The following APBB2 variants were observed in gnomAD, a reference collection of about 807,000 sequenced individuals.
APBB2 encodes the protein amyloid beta precursor protein binding family B member 2.
In APBB2, 38 loss-of-function variants were observed where a neutral mutation model predicts 82.5. The observed-to-expected ratio is 0.46, with a 90% CI of 0.36 to 0.60. APBB2 has a LOEUF of 0.60. APBB2 is among the 20% of genes least tolerant of loss of function. The pLI, the probability that APBB2 is intolerant of heterozygous loss-of-function variation, is 0.00. For synonymous variants in APBB2, 341 were observed against 368.2 expected (o/e 0.93, Z 0.85); for missense variants, 772 against 972.3 (o/e 0.79, Z 2.74).
At chr4:41,137,113 A>G (rs1757784883) in intron 2 of APBB2, among the ~76,000 whole-genome samples, 1 of 152,238 alleles carries the variant, frequency 6.6e-6, no homozygotes. Context: ...TCCCATTTTC[A>G]TAAAACATAT....
chr4:40,966,088 A>G (rs994565279), intron 6 of APBB2, among the ~76,000 whole-genome samples: 1 of 152,356 alleles, frequency 6.6e-6, no homozygotes, highest in Middle Eastern at 3.4e-3. Context: ...TAATTTACCA[A>G]TATAGATGCA....
chr4:40,923,743 T>C (rs1781917810), intron 10 of APBB2, among the ~76,000 whole-genome samples: 1 of 152,232 alleles, frequency 6.6e-6, no homozygotes, highest in Non-Finnish European at 1.5e-5. Flanking sequence ...AGGGCGCAGC[T>C]GCCAAGAGTT....
chr4:41,132,041 AAAATAAAT>A (rs139179556), intron 2 of APBB2, among the ~76,000 whole-genome samples: 26 of 147,828 alleles, frequency 1.8e-4, no homozygotes, highest in Non-Finnish European at 3.0e-4. Context: ...CTCTGTCTCA[AAAATAAAT>A]AAATAAATAA....
chr4:40,900,067 A>G (rs1774834893), intron 10 of APBB2, among the ~76,000 whole-genome samples: 1 of 152,226 alleles, frequency 6.6e-6, no homozygotes, highest in Non-Finnish European at 1.5e-5. Context: ...AACATATAAC[A>G]ACGTTAAGTT....
At chr4:40,988,854 T>C (rs1179803617) in intron 6 of APBB2, among the ~76,000 whole-genome samples, 1 of 150,408 alleles carries the variant, frequency 6.6e-6, no homozygotes, top group Admixed American at 6.6e-5. Flanking sequence ...CAGCCTCCGC[T>C]TCCCGGGTTC....
chr4:40,959,280 A>C (rs921385923), intron 6 of APBB2, among the ~76,000 whole-genome samples: 13 of 152,224 alleles, frequency 8.5e-5, no homozygotes, highest in African/African-American at 3.1e-4. Flanking sequence ...CAGGGGCATG[A>C]ATCTTTCTTT....
chr4:40,881,344 C>A, intron 12 of APBB2: 1 of 985,132 alleles, frequency 1.0e-6, no homozygotes. Flanking sequence ...TACTGACTGG[C>A]TCAGAGAATC....
chr4:41,071,044 T>G (rs17608601), intron 3 of APBB2, among the ~76,000 whole-genome samples: 11,465 of 152,302 alleles, frequency 0.075, 605 homozygotes, highest in Non-Finnish European at 0.11. Context: ...CCTCCTCTCC[T>G]ACAAGTTCTT....
chr4:41,049,955 C>G (rs917576654), intron 4 of APBB2, among the ~76,000 whole-genome samples: 32 of 151,974 alleles, frequency 2.1e-4, no homozygotes, highest in Non-Finnish European at 3.5e-4. Context: ...TCCCTAATCT[C>G]AAGTACCCAG....
intron 6 of APBB2, among the ~76,000 whole-genome samples, chr4:40,996,129 T>C (rs1465804635): frequency 1.3e-5 from 2 of 152,212 alleles, no homozygotes; most frequent in Admixed American, 1.3e-4. Flanking sequence ...AAGTGGCCCC[T>C]TCACTTTACT....
intron 1 of APBB2, among the ~76,000 whole-genome samples, chr4:41,213,743 G>A (rs536150086): frequency 6.6e-6 from 1 of 152,294 alleles, no homozygotes; most frequent in Admixed American, 6.5e-5. Flanking sequence ...CAGTTTCCTG[G>A]AGTCGGTCCC....
intron 10 of APBB2, among the ~76,000 whole-genome samples, chr4:40,923,652 CCT>C (rs1318891792): frequency 2.0e-5 from 3 of 152,246 alleles, no homozygotes; most frequent in African/African-American, 7.2e-5. Context: ...CATTTCCTCA[CCT>C]GTTTCCTACC....
At chr4:41,029,588 T>A (rs1352888496) in intron 5 of APBB2, among the ~76,000 whole-genome samples, 1 of 152,216 alleles carries the variant, frequency 6.6e-6, no homozygotes, top group African/African-American at 2.4e-5. Flanking sequence ...GACAGATGTA[T>A]CACATACTTT....
In APBB2 at chr4:41,214,410, G is replaced by A. The variant is rs1285717118; in HGVS notation, c.-422C>T. The A allele has an allele frequency of 6.6e-6, 1 of 152,452 alleles. No individual in the cohort carries two copies. The highest frequency in any genetic ancestry group is 1.5e-5 in the Non-Finnish European group (1 of 68,250). The allele number at this position is 152,452 out of a possible 1,614,324, so 9.4% of individuals were successfully genotyped here. ...AGGAAGAAAGCTGGGCTCACCAGTG[G>A]TGCGCGCGGCGCTCGCCTCGGCTCC... On this transcript the variant is annotated 5_prime_UTR_variant, in exon 1 of 18. Coordinates refer to ENST00000508593, the MANE Select transcript of APBB2 (RefSeq NM_004307.2).
chr4:40,991,974 C>T (rs1802222204), intron 6 of APBB2, among the ~76,000 whole-genome samples: 1 of 152,008 alleles, frequency 6.6e-6, no homozygotes, highest in South Asian at 2.1e-4. Flanking sequence ...CCTCCTCCTC[C>T]CCATCTCTCT....
At chr4:41,179,409 T>TA (rs938768369) in intron 1 of APBB2, among the ~76,000 whole-genome samples, 1 of 152,132 alleles carries the variant, frequency 6.6e-6, no homozygotes, top group Admixed American at 6.5e-5. Context: ...TACCGTCATG[T>TA]AAAAAAATAG....
At chr4:40,880,053 G>C (rs950872919) in intron 12 of APBB2, 5 of 985,248 alleles carry the variant, frequency 5.1e-6, no homozygotes, top group Non-Finnish European at 4.8e-6. Context: ...CACTGGGAGC[G>C]ATGGCACTTA....
At chr4:41,052,208 A>AATACATACATACATAC (rs33920742) in intron 4 of APBB2, among the ~76,000 whole-genome samples, 11,215 of 149,752 alleles carry the variant, frequency 0.075, 569 homozygotes, top group East Asian at 0.19. Flanking sequence ...TCTGTACAAA[A>AATACATACATACATAC]ATACATACAT....
At chr4:41,040,708 A>G (rs1579474629) in intron 4 of APBB2, among the ~76,000 whole-genome samples, 1 of 152,086 alleles carries the variant, frequency 6.6e-6, no homozygotes, top group African/African-American at 2.4e-5. Context: ...CCACAAGACA[A>G]TTCTCACCAC....
Sources: allele counts gnomAD v4.1 joint callset (sites outside exome capture counted in the v4.1 genomes callset), GRCh38; gene constraint gnomAD v4.1.1; transcripts MANE v1.5; gene names NCBI Gene and HGNC (gene_info 2026-07-23, HGNC 2026-07-21).